Variants in SOCS7 observed in about 807,000 individuals in gnomAD.
The protein encoded by SOCS7 is NAP-4.
A neutral mutation model predicts 58.9 loss-of-function variants in SOCS7; 18 were observed. The observed-to-expected ratio is 0.31, with a 90% CI of 0.21 to 0.45. The LOEUF (loss-of-function observed/expected upper bound fraction) is 0.45, where lower values mean the gene tolerates loss of function less well. Among genes scored for constraint, SOCS7 ranks in the 20% least tolerant of loss-of-function variants. The pLI is 1.00. For synonymous variants in SOCS7, 388 were observed against 364.3 expected, an observed-to-expected ratio of 1.06 and a Z score of -0.74; for missense variants, 667 against 837.3, an observed-to-expected ratio of 0.80 and a Z score of 2.51.
intron 7 of SOCS7, among the ~76,000 whole-genome samples, chr17:38,382,767 G>A (rs770769306): frequency 1.5e-4 from 23 of 152,070 alleles, no homozygotes; most frequent in Non-Finnish European, 2.9e-4. Context: ...GATTACAGGC[G>A]TGAGCCACCA....
intron 2 of SOCS7, among the ~76,000 whole-genome samples, chr17:38,362,261 G>GC (rs2037730022): frequency 6.6e-6 from 1 of 152,216 alleles, no homozygotes; most frequent in South Asian, 2.1e-4. Context: ...TGCAGTTCCT[G>GC]CAGCTGTTAG....
rs1239472328 is a variant in SOCS7 at position 38,395,435 on chromosome 17, C to T, written c.1808C>T (p.Pro603Leu). 2 of 1,613,868 alleles carry T rather than the reference C, an allele frequency of 1.2e-6. No individual in the cohort carries two copies. Among genetic ancestry groups the T allele is most frequent in the African/African-American group, 1.3e-5 (1 of 74,930 alleles). The part of the protein sequence containing the change: ...LVRIDHIPDL[P>L]LPKPLISYIR... ...AGGATAGATCACATCCCAGATCTCC[C>T]ACTGCCTAAGTACAATGGGGTTGTC... is the stretch of plus-strand genomic sequence containing the variant. The change falls in exon 8 of 10, where the codon CCA becomes CTA. Residue 603 changes from proline (P) to leucine (L), a missense_variant. Coordinates refer to ENST00000612932, the MANE Select transcript of SOCS7 (RefSeq NM_014598.4).
rs1449917903 is a variant in SOCS7 at position 38,401,977 on chromosome 17, A to G, written c.*2495A>G. The G allele has an allele frequency of 6.6e-6, 1 of 152,280 alleles. No homozygotes were observed. Among genetic ancestry groups the G allele is most frequent in the Admixed American group, 6.5e-5 (1 of 15,286 alleles). The allele number at this position is 152,280 out of a possible 1,614,324, so 9.4% of individuals were successfully genotyped here. A position where few individuals can be genotyped will look rare whatever the true frequency, so the allele number is the denominator to read the frequency against. On this transcript the variant is annotated 3_prime_UTR_variant, in exon 10 of 10. Coordinates refer to ENST00000612932, the MANE Select transcript of SOCS7 (RefSeq NM_014598.4). ...GGCCTCACTATGGTCAGCTCAGGCC[A>G]TGTGAGGGAGGCAGAGCCTCTGCAC... is the stretch of plus-strand genomic sequence containing the variant.
At chr17:38,368,347 CTT>C (rs965881816) in intron 6 of SOCS7, among the ~76,000 whole-genome samples, 1 of 152,096 alleles carries the variant, frequency 6.6e-6, no homozygotes, top group African/African-American at 2.4e-5. Flanking sequence ...CGGTAAAACT[CTT>C]TAGGTAAAAG....
At chr17:38,384,891 CTTTTTTT>C (rs71138614) in intron 7 of SOCS7, among the ~76,000 whole-genome samples, 35 of 76,664 alleles carry the variant, frequency 4.6e-4, no homozygotes, top group Non-Finnish European at 5.8e-4. Flanking sequence ...GCACCCAGCT[CTTTTTTT>C]TTTTTTTTTT....
chr17:38,353,382 C>T (rs2037588821), intron 1 of SOCS7, among the ~76,000 whole-genome samples: 1 of 152,156 alleles, frequency 6.6e-6, no homozygotes, highest in Non-Finnish European at 1.5e-5. Context: ...AGTGTTTGGC[C>T]TTTGGGGCAA....
intron 7 of SOCS7, among the ~76,000 whole-genome samples, chr17:38,394,221 T>G (rs1379672654): frequency 6.6e-6 from 1 of 152,198 alleles, no homozygotes; most frequent in Non-Finnish European, 1.5e-5. Context: ...AAGGGTGTGG[T>G]ACTCCCATTG....
chr17:38,379,465 C>T (rs1351374179), intron 7 of SOCS7, among the ~76,000 whole-genome samples: 1 of 151,976 alleles, frequency 6.6e-6, no homozygotes, highest in Admixed American at 6.6e-5. Flanking sequence ...GGCGACAGAG[C>T]CAGACTCTTT....
chr17:38,387,102 A>ATATATATATATATATAT (rs1555570653), intron 7 of SOCS7, among the ~76,000 whole-genome samples: 1 of 51,140 alleles, frequency 2.0e-5, no homozygotes, highest in Non-Finnish European at 3.0e-5. Flanking sequence ...AAAAAAAAAA[A>ATATATATATATATATAT]ATATATATAT....
intron 1 of SOCS7, among the ~76,000 whole-genome samples, chr17:38,353,735 T>C (rs1288321532): frequency 6.6e-6 from 1 of 151,970 alleles, no homozygotes; most frequent in Non-Finnish European, 1.5e-5. Flanking sequence ...AAACCCCATC[T>C]CTACAAAACA....
Position 38,373,114 on chromosome 17 carries a change from A to G in SOCS7, c.1553-4600A>G, listed in dbSNP as rs150145061. ...AGAGCAGAACTCTGTCTCAAAAAAA[A>G]AAAAGAAAAGAAAAGAAAAGCATAC... On this transcript the variant is annotated intron_variant, in intron 6 of 9. Transcript: ENST00000612932. Among the ~76,000 whole-genome samples, 385 of 152,122 alleles carry G rather than the reference A, an allele frequency of 2.5e-3. No homozygotes were observed. The Middle Eastern group carries it at 0.027, about 11-fold the overall frequency.
intron 6 of SOCS7, among the ~76,000 whole-genome samples, chr17:38,372,492 G>A (rs1245795650): frequency 6.6e-6 from 1 of 152,234 alleles, no homozygotes; most frequent in Admixed American, 6.5e-5. Flanking sequence ...CTCAAGTGTT[G>A]CAAGTATCCG....
chr17:38,364,993 C>T (rs373105104), intron 3 of SOCS7, 137 bp downstream of exon 3: 16 of 654,124 alleles, frequency 2.4e-5, no homozygotes, highest in Admixed American at 1.4e-4. Context: ...CTCAGCACCC[C>T]GTCATCTCCC....
At chr17:38,372,052 A>G (rs746115506) in intron 6 of SOCS7, among the ~76,000 whole-genome samples, 3 of 152,072 alleles carry the variant, frequency 2.0e-5, no homozygotes, top group Non-Finnish European at 4.4e-5. Flanking sequence ...TAAGAAGTAT[A>G]TATAGTTGAC....
chr17:38,361,581 A>T (rs1324094949), intron 1 of SOCS7, 130 bp from the exon 2 acceptor site: 1 of 767,012 alleles, frequency 1.3e-6, no homozygotes, highest in East Asian at 2.4e-5. Flanking sequence ...GCTGTATTAC[A>T]AGAGTGTTGC....
chr17:38,398,866 G>T (rs2038279049), intron 9 of SOCS7, among the ~76,000 whole-genome samples: 1 of 152,108 alleles, frequency 6.6e-6, no homozygotes, highest in African/African-American at 2.4e-5. Flanking sequence ...GCCAAGGCGG[G>T]CTCATCACGA....
intron 6 of SOCS7, among the ~76,000 whole-genome samples, chr17:38,374,392 G>A (rs200329002): frequency 6.6e-6 from 1 of 152,068 alleles, no homozygotes; most frequent in East Asian, 1.9e-4. Flanking sequence ...ACAAAAATTA[G>A]CTGGGCACTG....
Position 38,366,370 on chromosome 17 carries a change from C to A in SOCS7, c.1336C>A (p.Arg446=), listed in dbSNP as rs779728689. Residue 446 remains arginine, a synonymous_variant, in exon 5 of 10, where the codon CGG becomes AGG. Coordinates refer to ENST00000612932, the MANE Select transcript of SOCS7 (RefSeq NM_014598.4). The part of the protein sequence containing the change: ...PPQHLQCPLY[R]PDSSSFAASL... ...ACAGCACCTCCAGTGTCCCCTCTAC[C>A]GGCCTGACTCGAGCAGCTTTGCAGC... 6.2e-7 allele frequency: 1 copy of A among 1,614,112 alleles called. No individual in the cohort carries two copies. Among genetic ancestry groups the A allele is most frequent in the Admixed American group, 1.7e-5 (1 of 60,002 alleles).
At chr17:38,367,656 G>A (rs2037809134) in intron 5 of SOCS7, among the ~76,000 whole-genome samples, 1 of 152,260 alleles carries the variant, frequency 6.6e-6, no homozygotes, top group Non-Finnish European at 1.5e-5. Context: ...TTACAGGCAT[G>A]AGCCACAGCT....
Sources: allele counts gnomAD v4.1 joint callset (sites outside exome capture counted in the v4.1 genomes callset), GRCh38; gene constraint gnomAD v4.1.1; transcripts MANE v1.5; gene names NCBI Gene and HGNC (gene_info 2026-07-23, HGNC 2026-07-21).